The following TEKT5 variants were observed in gnomAD, a reference collection of about 807,000 sequenced individuals.
TEKT5 encodes tektin-5.
Under a neutral mutation model 48.7 loss-of-function variants are expected in TEKT5, and 52 were observed. That is an observed-to-expected ratio of 1.07 (90% CI 0.86 to 1.35). The LOEUF (loss-of-function observed/expected upper bound fraction) is 1.35, where lower values mean the gene tolerates loss of function less well. Ranked by LOEUF, TEKT5 falls within the 40% of genes most tolerant of loss-of-function variation. The pLI, the probability that TEKT5 is intolerant of heterozygous loss-of-function variation, is 0.00. For missense variants in TEKT5, 831 were observed against 641.6 expected, an observed-to-expected ratio of 1.30 and a Z score of -3.19; for synonymous variants, 318 against 267.6, an observed-to-expected ratio of 1.19 and a Z score of -1.84.
intron 5 of TEKT5, among the ~76,000 whole-genome samples, chr16:10,656,660 G>A (rs1350318196): frequency 6.6e-6 from 1 of 152,232 alleles, no homozygotes; most frequent in African/African-American, 2.4e-5. Context: ...CTGATGTCAA[G>A]AGGAAAAGAT....
chr16:10,694,517 G>A lies in TEKT5; in HGVS notation c.357C>T (p.Ser119=), dbSNP rs770809662. Reference sequence around the variant, plus strand: ...GGTCCTTGTCCTGCAAGAGCCTCATGGAGTCATCCGTCAGCCGGCTGGCCC... The same window carrying A: ...GGTCCTTGTCCTGCAAGAGCCTCATAGAGTCATCCGTCAGCCGGCTGGCCC... ...RLWASRLTDD[S]MRLLQDKDQL... Residue 119 remains serine, a synonymous_variant, in exon 1 of 7, where the codon TCC becomes TCT. Transcript: ENST00000283025. The A allele has an allele frequency of 1.9e-6, 3 of 1,610,770 alleles. No individual in the cohort carries two copies. Among genetic ancestry groups the A allele is most frequent in the East Asian group, 4.5e-5 (2 of 44,844 alleles).
chr16:10,645,238 A>G (rs529941990), intron 5 of TEKT5, among the ~76,000 whole-genome samples: 32 of 152,280 alleles, frequency 2.1e-4, no homozygotes, highest in African/African-American at 7.7e-4. Context: ...GTCAGGCACA[A>G]TGGCTCACAC....
At chr16:10,662,413 C>T (rs528302054) in intron 5 of TEKT5, among the ~76,000 whole-genome samples, 2 of 152,172 alleles carry the variant, frequency 1.3e-5, no homozygotes, top group Non-Finnish European at 2.9e-5. Context: ...AAGTCAGCAA[C>T]AACGAGGAGG....
At chr16:10,657,976 G>A (rs1240593307) in intron 5 of TEKT5, among the ~76,000 whole-genome samples, 1 of 151,962 alleles carries the variant, frequency 6.6e-6, no homozygotes, top group African/African-American at 2.4e-5. Context: ...ATGTACTGTG[G>A]TTTTCAGTAT....
At chr16:10,690,487 T>TC (rs1898950310) in intron 1 of TEKT5, 1 of 832,098 alleles carries the variant, frequency 1.2e-6, no homozygotes, top group African/African-American at 1.9e-5. Flanking sequence ...TCTGCTGGTT[T>TC]CCTCCTCTGC....
At position 10,659,115 on chromosome 16, in the gene TEKT5, C is replaced by T. The variant is rs572393819; in HGVS notation, c.1086+16844G>A. On this transcript the variant is annotated intron_variant, in intron 5 of 6. Coordinates refer to ENST00000283025, the MANE Select transcript of TEKT5 (RefSeq NM_144674.2). ...ACCCACTAAATGCCAGTAGCATCCA[C>T]CCCGCAAGCTGTGACAACCACATTG... Among the ~76,000 whole-genome samples the T allele has an allele frequency of 5.9e-5, 9 of 152,326 alleles. No homozygotes were observed. In the South Asian group the frequency reaches 1.9e-3, roughly 32 times the overall value.
intron 2 of TEKT5, 33 bp from the exon 3 acceptor site, chr16:10,689,356 T>A (rs747697742): frequency 6.4e-7 from 1 of 1,562,996 alleles, no homozygotes; most frequent in Non-Finnish European, 8.8e-7. Context: ...GAGCAGTGCC[T>A]CTTAGAACCT....
intron 5 of TEKT5, among the ~76,000 whole-genome samples, chr16:10,657,821 C>T (rs967512297): frequency 4.0e-5 from 6 of 149,920 alleles, no homozygotes; most frequent in Admixed American, 2.7e-4. Flanking sequence ...AGGATGTTCT[C>T]GATCTCCTGA....
At chr16:10,692,897 G>A (rs1209536265) in intron 1 of TEKT5, 1 of 152,226 alleles carries the variant, frequency 6.6e-6, no homozygotes, top group African/African-American at 2.4e-5. Flanking sequence ...ACCAAGTTGA[G>A]GCTGGAGCCG....
Position 10,689,411 on chromosome 16 carries a change from CT to C in TEKT5, c.649-89del, listed in dbSNP as rs375100804. On this transcript the variant is annotated intron_variant, in intron 2 of 6. Transcript: ENST00000283025. The stretch of plus-strand genomic sequence containing the variant: ...CCAGAGCCCTCAGCTCTCCCCTCCC[CT>C]CTCACTGACCACCCTCGACCCCAGG... 2.4e-4 allele frequency: 278 copies of C among 1,152,078 alleles called. 2 individuals carry two copies. The African/African-American group carries it at 3.1e-3, about 13-fold the overall frequency. 71.4% of individuals were successfully genotyped at this position (1,152,078 alleles called of 1,614,324 possible).
chr16:10,681,019 A>T (rs137877201), intron 4 of TEKT5, among the ~76,000 whole-genome samples: 2,277 of 147,410 alleles, frequency 0.015, 34 homozygotes, highest in Non-Finnish European at 0.025. Flanking sequence ...TAATAATAAT[A>T]AATAAATAAA....
intron 6 of TEKT5, among the ~76,000 whole-genome samples, chr16:10,629,837 C>G (rs557402891): frequency 6.6e-6 from 1 of 152,224 alleles, no homozygotes; most frequent in Non-Finnish European, 1.5e-5. Flanking sequence ...CAAGGTCTGG[C>G]GCCCCTTGCA....
intron 5 of TEKT5, among the ~76,000 whole-genome samples, chr16:10,674,617 G>GAAAAAAAAA (rs57583870): frequency 1.7e-4 from 13 of 74,748 alleles, no homozygotes; most frequent in Non-Finnish European, 2.4e-4. Flanking sequence ...GATCATCTCA[G>GAAAAAAAAA]AAAAAAAAAA....
chr16:10,688,222 T>C (rs138248030), intron 3 of TEKT5, among the ~76,000 whole-genome samples: 3 of 152,378 alleles, frequency 2.0e-5, no homozygotes, highest in African/African-American at 7.2e-5. Context: ...GCATCTTCTC[T>C]GTACACCTCC....
intron 5 of TEKT5, among the ~76,000 whole-genome samples, chr16:10,644,721 G>A (rs1320016696): frequency 6.6e-6 from 1 of 152,206 alleles, no homozygotes; most frequent in Non-Finnish European, 1.5e-5. Context: ...CTATCGCCTA[G>A]AACAGTGTTT....
At chr16:10,662,606 C>A (rs1596410254) in intron 5 of TEKT5, among the ~76,000 whole-genome samples, 2 of 152,370 alleles carry the variant, frequency 1.3e-5, no homozygotes, top group Middle Eastern at 3.4e-3. Flanking sequence ...CTGCCCATTG[C>A]TTTCTTGCAA....
At chr16:10,630,849 C>A (rs74835232) in intron 6 of TEKT5, among the ~76,000 whole-genome samples, 4,281 of 151,684 alleles carry the variant, frequency 0.028, 209 homozygotes, top group African/African-American at 0.097. Context: ...TGGCAAAATG[C>A]CGTCTCCACT....
intron 3 of TEKT5, among the ~76,000 whole-genome samples, chr16:10,684,263 G>A (rs754900581): frequency 6.6e-6 from 1 of 152,084 alleles, no homozygotes; most frequent in Non-Finnish European, 1.5e-5. Context: ...TTCTCTATCT[G>A]TCTCTCTGCC....
At chr16:10,672,303 ATGGTGGCTCAC>A (rs1898561620) in intron 5 of TEKT5, among the ~76,000 whole-genome samples, 1 of 152,194 alleles carries the variant, frequency 6.6e-6, no homozygotes, top group Non-Finnish European at 1.5e-5. Flanking sequence ...CAGGCTGGGC[ATGGTGGCTCAC>A]ACATGTAATT....
Sources: gnomAD v4.1 joint callset for allele counts (sites outside exome capture counted in the v4.1 genomes callset) on GRCh38, gnomAD v4.1.1 for gene constraint, MANE v1.5 for transcripts, NCBI Gene and HGNC (gene_info 2026-07-23, HGNC 2026-07-21) for gene names.